GET1: variants seen among roughly 807,000 people sequenced by gnomAD.
GET1 encodes congenital heart disease 5 protein.
Under a neutral mutation model 22.6 loss-of-function variants are expected in GET1, and 20 were observed. The observed-to-expected ratio is 0.89, with a 90% CI of 0.62 to 1.29. GET1 has a LOEUF of 1.29. GET1 is among the 50% of genes most tolerant of loss of function. The pLI is 0.00. For missense variants in GET1, 209 were observed against 219.9 expected, an observed-to-expected ratio of 0.95 and a Z score of 0.31; for synonymous variants, 92 against 83.8, an observed-to-expected ratio of 1.10 and a Z score of -0.53.
At chr21:39,419,691 T>C (rs2041960395) in intron 1 of GET1, among the ~76,000 whole-genome samples, 2 of 152,104 alleles carry the variant, frequency 1.3e-5, no homozygotes, top group Non-Finnish European at 2.9e-5. Context: ...ATTAGTGCCC[T>C]TGTAAAAGAG....
At chr21:39,403,706 C>T (rs1219175342) in intron 4 of GET1, among the ~76,000 whole-genome samples, 1 of 150,438 alleles carries the variant, frequency 6.6e-6, no homozygotes, top group Non-Finnish European at 1.5e-5. Context: ...ACTGCAACCT[C>T]TGCCTCCCAG....
chr21:39,397,419 C>T lies in GET1; in HGVS notation c.*480C>T, dbSNP rs2038718926. Reference sequence around the variant, plus strand: ...ATCACATTCAATATGGTTAAAAGAACAACACTAATTGACATTGCGTGGGCT... The same window carrying T: ...ATCACATTCAATATGGTTAAAAGAATAACACTAATTGACATTGCGTGGGCT... On this transcript the variant is annotated 3_prime_UTR_variant, in exon 5 of 5. Transcript: ENST00000649170. The T allele has an allele frequency of 6.4e-6, 1 of 155,776 alleles. No homozygotes were observed. The highest frequency in any genetic ancestry group is 1.4e-5 in the Non-Finnish European group (1 of 70,444). 9.6% of individuals were successfully genotyped at this position (155,776 alleles called of 1,614,324 possible). A position where few individuals can be genotyped will look rare whatever the true frequency, so the allele number is the denominator to read the frequency against.
At chr21:39,414,732 CTCTCTCTCTCTG>C (rs1181460893) in intron 1 of GET1, among the ~76,000 whole-genome samples, 4 of 110,396 alleles carry the variant, frequency 3.6e-5, no homozygotes, top group Admixed American at 9.7e-5. Context: ...CTCTCTCTCT[CTCTCTCTCTCTG>C]TGTGTGTGTG....
At chr21:39,399,700 C>G (rs1048246999), downstream of GET1, among the ~76,000 whole-genome samples, 1 of 152,196 alleles carries the variant, frequency 6.6e-6, no homozygotes, top group East Asian at 1.9e-4. Context: ...CTCAGGCCCC[C>G]AAAGTTGGGA....
At chr21:39,401,950 TCC>T (rs1159532368), downstream of GET1, among the ~76,000 whole-genome samples, 1 of 151,996 alleles carries the variant, frequency 6.6e-6, no homozygotes, top group Non-Finnish European at 1.5e-5. Flanking sequence ...TTCCCGTCTC[TCC>T]CCCTTCCCCA....
At chr21:39,393,714 T>A (rs1478884361) in intron 4 of GET1, among the ~76,000 whole-genome samples, 2 of 152,196 alleles carry the variant, frequency 1.3e-5, no homozygotes, top group East Asian at 1.9e-4. Context: ...TGGTGCGATC[T>A]TGGCTCACTG....
At chr21:39,421,914 GTATAGA>G (rs2094364197) in intron 1 of GET1, 1 of 152,132 alleles carries the variant, frequency 6.6e-6, no homozygotes, top group Non-Finnish European at 1.5e-5. Flanking sequence ...TTGGTTTTAT[GTATAGA>G]TATAAAAACA....
At chr21:39,400,119 C>T (rs9974828), downstream of GET1, among the ~76,000 whole-genome samples, 96,147 of 151,954 alleles carry the variant, frequency 0.63, 31,309 homozygotes, top group East Asian at 0.77. Context: ...GGGGGGCTCT[C>T]TGGCCTTCCA....
downstream of GET1, chr21:39,406,687 C>T: frequency 9.2e-7 from 1 of 1,088,828 alleles, no homozygotes; most frequent in Non-Finnish European, 1.3e-6. Context: ...ATGTCTAGTA[C>T]ACTTACGTGC....
chr21:39,402,267 C>G (rs1230390494), downstream of GET1, among the ~76,000 whole-genome samples: 1 of 152,038 alleles, frequency 6.6e-6, no homozygotes, highest in East Asian at 1.9e-4. Flanking sequence ...CCACACCTGG[C>G]TAATACTTGT....
At chr21:39,425,142 G>T (rs2074448063) in intron 1 of GET1, among the ~76,000 whole-genome samples, 1 of 152,188 alleles carries the variant, frequency 6.6e-6, no homozygotes, top group African/African-American at 2.4e-5. Flanking sequence ...ATTGAAACTG[G>T]ATTCTAAACT....
chr21:39,422,310 A>T (rs1432883792), intron 1 of GET1: 4 of 152,254 alleles, frequency 2.6e-5, no homozygotes, highest in African/African-American at 7.2e-5. Flanking sequence ...TATGCAGGAG[A>T]ATTCTTAATA....
In GET1 at chr21:39,391,838, T is replaced by C. The variant is rs1319387744; in HGVS notation, c.336+2T>C. ...AGTGTCGCTTTCTACGTATTGCAGG[T>C]AAGTGTGCTAGAGCGTCAGCCGGGT... is the stretch of plus-strand genomic sequence containing the variant. On this transcript the variant is annotated splice_donor_variant, in intron 3 of 4. Transcript: ENST00000649170. LOFTEE classifies it high-confidence loss of function. 1 of 1,614,102 alleles carries C rather than the reference T, an allele frequency of 6.2e-7. No homozygotes were observed. The highest frequency in any genetic ancestry group is 8.5e-7 in the Non-Finnish European group (1 of 1,179,996).
Position 39,403,039 on chromosome 21 carries a change from A to G in GET1, c.350-2875A>G, listed in dbSNP as rs147670372. On this transcript the variant is annotated intron_variant, in intron 4 of 4. Coordinates refer to the GET1 transcript ENST00000415847. ...GCTTTCATTGTGGGTGGGCATAAGAAAAGATCCCTTGGAAAATCCTCTGTC... is the reference window on the plus strand; with the variant it reads ...GCTTTCATTGTGGGTGGGCATAAGAGAAGATCCCTTGGAAAATCCTCTGTC... Among the ~76,000 whole-genome samples, 225 of 152,322 alleles carry G rather than the reference A, an allele frequency of 1.5e-3. 2 individuals are homozygous for G. The highest frequency in any genetic ancestry group is 4.9e-3 in the African/African-American group (205 of 41,578).
intron 1 of GET1, among the ~76,000 whole-genome samples, chr21:39,415,217 T>G (rs1449982566): frequency 6.6e-6 from 1 of 152,208 alleles, no homozygotes; most frequent in Non-Finnish European, 1.5e-5. Flanking sequence ...AAAATAACAT[T>G]TTCTGTCATT....
chr21:39,420,872 T>C (rs2042181976), intron 1 of GET1: 1 of 1,560,834 alleles, frequency 6.4e-7, no homozygotes, highest in African/African-American at 1.4e-5. Flanking sequence ...ATAACTATTC[T>C]GCAACCAAGT....
intron 1 of GET1, among the ~76,000 whole-genome samples, chr21:39,423,951 T>TTA (rs775328033): frequency 1.1e-4 from 16 of 152,188 alleles, no homozygotes; most frequent in Non-Finnish European, 2.4e-4. Flanking sequence ...GGACAAGAGT[T>TTA]TGAGACCAGC....
intron 1 of GET1, among the ~76,000 whole-genome samples, chr21:39,389,628 G>C (rs561305580): frequency 3.3e-5 from 5 of 152,160 alleles, no homozygotes; most frequent in Admixed American, 6.5e-5. Context: ...TTCTTGTCTT[G>C]TATGTCTGTC....
chr21:39,380,542 G>A, intron 1 of GET1, 56 bp downstream of exon 1: 2 of 1,568,952 alleles, frequency 1.3e-6, no homozygotes, highest in Non-Finnish European at 1.7e-6. Flanking sequence ...CAGTCCCCCG[G>A]CGGGTCTGGC....
Sources: allele counts gnomAD v4.1 joint callset (sites outside exome capture counted in the v4.1 genomes callset), GRCh38; gene constraint gnomAD v4.1.1; transcripts MANE v1.5; gene names NCBI Gene and HGNC (gene_info 2026-07-23, HGNC 2026-07-21).